ARFGEF1: variants seen among roughly 807,000 people sequenced by gnomAD.
ARFGEF1 encodes the protein brefeldin A-inhibited guanine nucleotide-exchange protein 1.
In ARFGEF1, 42 loss-of-function variants were observed where a neutral mutation model predicts 231.0. The ratio of observed to expected loss-of-function variants is 0.18; its 90% CI spans 0.14 to 0.24. The LOEUF (loss-of-function observed/expected upper bound fraction) is 0.24. ARFGEF1 is among the 10% of genes least tolerant of loss of function. The probability of loss-of-function intolerance (pLI) is 1.00; values close to 1 mark genes in which losing one functional copy is unlikely to be tolerated. For missense variants in ARFGEF1, 1,345 were observed against 2,192.0 expected (o/e 0.61, Z 7.72); for synonymous variants, 710 against 732.3 (o/e 0.97, Z 0.49).
intron 5 of ARFGEF1, among the ~76,000 whole-genome samples, chr8:67,190,419 C>A (rs1835890602): frequency 6.6e-6 from 1 of 152,074 alleles, no homozygotes; most frequent in African/African-American, 2.4e-5. Context: ...GGAGTGATTG[C>A]CAGTGTGCAC....
In ARFGEF1 at chr8:67,330,481, C is replaced by T. The variant is rs1026747421; in HGVS notation, c.124+12683G>A. Among the ~76,000 whole-genome samples the T allele has an allele frequency of 3.3e-5, 5 of 152,128 alleles. No individual in the cohort carries two copies. The South Asian group carries it at 1.0e-3, about 31-fold the overall frequency. ...CATTTATTCAAACACACAGATTCAT[C>T]ATTGCAGTTAGTAAAAAAAACACAT... On this transcript the variant is annotated intron_variant, in intron 1 of 38. Coordinates refer to ENST00000262215, the MANE Select transcript of ARFGEF1 (RefSeq NM_006421.5).
intron 25 of ARFGEF1, 102 bp from the exon 26 acceptor site, chr8:67,227,700 G>A (rs974024423): frequency 4.7e-6 from 6 of 1,268,546 alleles, no homozygotes; most frequent in Admixed American, 4.7e-5. Context: ...AGCATAGATA[G>A]GTAAATCCTA....
chr8:67,186,994 TATCTATCTATCTATCTATCTA>T (rs1380010321), intron 5 of ARFGEF1, among the ~76,000 whole-genome samples: 1 of 151,666 alleles, frequency 6.6e-6, no homozygotes, highest in East Asian at 1.9e-4. Flanking sequence ...TCTATCTATC[TATCTATCTATCTATCTATCTA>T]ATCTATCTAT....
intron 6 of ARFGEF1, among the ~76,000 whole-genome samples, chr8:67,291,590 A>G (rs1039627964): frequency 3.9e-5 from 6 of 152,170 alleles, no homozygotes; most frequent in East Asian, 1.9e-4. Context: ...CTTTAGAAAT[A>G]TATCTGCGCT....
At chr8:67,245,699 G>C (rs1840083522) in intron 19 of ARFGEF1, among the ~76,000 whole-genome samples, 1 of 149,742 alleles carries the variant, frequency 6.7e-6, no homozygotes. Flanking sequence ...AAGAAGAAAA[G>C]ACCACAAAAC....
chr8:67,250,999 C>T lies in ARFGEF1; in HGVS notation c.2850+300G>A, dbSNP rs1186009875. On this transcript the variant is annotated intron_variant, in intron 19 of 38. Transcript: ENST00000262215. ...TGTGAGTTAACTCCAAAGGCTTAAG[C>T]ATAACTCATTTAGAGAAAATCAGGC... Among the ~76,000 whole-genome samples, 3 of 152,160 alleles carry T rather than the reference C, an allele frequency of 2.0e-5. No individual in the cohort carries two copies. The East Asian group carries it at 5.8e-4, about 29-fold the overall frequency.
chr8:67,329,166 C>T (rs1273132739), intron 1 of ARFGEF1, among the ~76,000 whole-genome samples: 1 of 151,984 alleles, frequency 6.6e-6, no homozygotes, highest in Non-Finnish European at 1.5e-5. Context: ...GCGGAGATGG[C>T]CGTGAGCCGA....
intron 23 of ARFGEF1, among the ~76,000 whole-genome samples, chr8:67,232,084 G>A (rs571347903): frequency 1.3e-5 from 2 of 152,084 alleles, no homozygotes; most frequent in East Asian, 3.9e-4. Flanking sequence ...TGTACTTAGA[G>A]CAAAAAGTTT....
chr8:67,337,123 C>T (rs569505157), intron 1 of ARFGEF1, among the ~76,000 whole-genome samples: 30 of 103,410 alleles, frequency 2.9e-4, no homozygotes, highest in Non-Finnish European at 5.3e-5. Flanking sequence ...AGCGTGACGC[C>T]GTCTCAAAAA....
chr8:67,203,474 C>A (rs1299417187), intron 35 of ARFGEF1, among the ~76,000 whole-genome samples: 8 of 152,346 alleles, frequency 5.3e-5, no homozygotes, highest in African/African-American at 1.9e-4. Context: ...AACTCCCTGG[C>A]CCTGCGTTCC....
chr8:67,193,169 T>A (rs1022138974), downstream of ARFGEF1, among the ~76,000 whole-genome samples: 7 of 152,066 alleles, frequency 4.6e-5, no homozygotes, highest in Non-Finnish European at 1.0e-4. Context: ...CAGGCTGGAG[T>A]CCAGTGGCAC....
chr8:67,181,545 C>G (rs1036355298), intron 5 of ARFGEF1, among the ~76,000 whole-genome samples: 1 of 151,916 alleles, frequency 6.6e-6, no homozygotes, highest in African/African-American at 2.4e-5. Context: ...AAAGATACAG[C>G]AGTATTTATG....
At chr8:67,195,393 TCACTGGTTGACCCTGATGACATCATGAAA>T (rs770516051), downstream of ARFGEF1, 2 of 1,613,644 alleles carry the variant, frequency 1.2e-6, no homozygotes, top group South Asian at 2.2e-5. Context: ...TGATGAGAGT[TCACTGGTTGACCCTGATGACATCATGAAA>T]CACATAGGGG....
rs750846829 is a variant in ARFGEF1 at position 67,190,631 on chromosome 8, C to T, written c.560+9765G>A. On this transcript the variant is annotated intron_variant, in intron 5 of 5. Coordinates refer to the ARFGEF1 transcript ENST00000518789. ...TGAAGCAGTATTAAGACTCCTTCTG[C>T]TTTTCGGGGTCCTCTTAGGGGCTTA... is the stretch of plus-strand genomic sequence containing the variant. 2.5e-5 allele frequency: 39 copies of T among 1,585,656 alleles called. No individual in the cohort carries two copies. Among genetic ancestry groups the T allele is most frequent in the Non-Finnish European group, 3.2e-5 (37 of 1,154,168 alleles).
rs1261319417 is a variant in ARFGEF1, at chr8:67,222,262, TGTATG to T, written c.4208+2636_4208+2640del. Among the ~76,000 whole-genome samples, 12 of 142,626 alleles carry T rather than the reference TGTATG, an allele frequency of 8.4e-5. 1 individual carries two copies. The South Asian group carries it at 1.1e-3, about 13-fold the overall frequency. The allele number at this position is 142,626 out of a possible 152,430, so 93.6% of individuals were successfully genotyped here. On this transcript the variant is annotated intron_variant, in intron 29 of 38. Coordinates refer to ENST00000262215, the MANE Select transcript of ARFGEF1 (RefSeq NM_006421.5). ...ATGTATGTATGTATGTATGTATGTATGTATGTATTTTTTTTTTTTTTGAGACAGAG... is the reference window on the plus strand; with the variant it reads ...ATGTATGTATGTATGTATGTATGTATTATTTTTTTTTTTTTTGAGACAGAG...
chr8:67,239,148 A>G (rs1839855711), intron 20 of ARFGEF1, among the ~76,000 whole-genome samples: 1 of 152,024 alleles, frequency 6.6e-6, no homozygotes, highest in Admixed American at 6.6e-5. Context: ...CTGGGATTAC[A>G]GGCGCCCACT....
rs1420279776 is a variant in ARFGEF1, at chr8:67,189,860, G to A, written c.560+10536C>T. On this transcript the variant is annotated intron_variant, in intron 5 of 5. Transcript: ENST00000518789. ...TTTAGGTATAATTTTTTTCAAAGGA[G>A]TTGCGGAGGTTACCGTAGATGTTGT... Among the ~76,000 whole-genome samples, 5 of 152,202 alleles carry A rather than the reference G, an allele frequency of 3.3e-5. No individual in the cohort carries two copies. In the South Asian group the frequency reaches 6.2e-4, roughly 19 times the overall value.
intron 38 of ARFGEF1, 22 bp from the exon 39 acceptor site, chr8:67,199,120 C>T (rs771809281): frequency 3.1e-6 from 5 of 1,597,000 alleles, no homozygotes; most frequent in South Asian, 1.1e-5. Context: ...ATGAATTTCT[C>T]CATTAGTAGT....
chr8:67,339,798 G>GGGGGAGC (rs1277387983), intron 1 of ARFGEF1, among the ~76,000 whole-genome samples: 1 of 81,190 alleles, frequency 1.2e-5, no homozygotes, highest in East Asian at 4.0e-4. Context: ...TGTGGGGCGG[G>GGGGGAGC]GGGGGGGATT....
Sources: gnomAD v4.1 joint callset for allele counts (sites outside exome capture counted in the v4.1 genomes callset) on GRCh38, gnomAD v4.1.1 for gene constraint, MANE v1.5 for transcripts, NCBI Gene and HGNC (gene_info 2026-07-23, HGNC 2026-07-21) for gene names.